The following TLK1 variants were observed in gnomAD, a reference collection of about 807,000 sequenced individuals.
TLK1 encodes the protein tousled like kinase 1, also known as serine/threonine-protein kinase tousled-like 1.
Under a neutral mutation model 105.3 loss-of-function variants are expected in TLK1, and 24 were observed. The observed-to-expected ratio is 0.23, with a 90% CI of 0.17 to 0.32. The LOEUF (loss-of-function observed/expected upper bound fraction) is 0.32, where lower values mean the gene tolerates loss of function less well. Among genes scored for constraint, TLK1 ranks in the 10% least tolerant of loss-of-function variants. The pLI, the probability that TLK1 is intolerant of heterozygous loss-of-function variation, is 1.00. For missense variants in TLK1, 558 were observed against 910.5 expected (o/e 0.61, Z 4.98); for synonymous variants, 321 against 310.4 (o/e 1.03, Z -0.36).
At chr2:171,105,698 G>A (rs148728485) in intron 2 of TLK1, among the ~76,000 whole-genome samples, 1 of 151,424 alleles carries the variant, frequency 6.6e-6, no homozygotes, top group East Asian at 1.9e-4. Flanking sequence ...AAAAAAAAAA[G>A]ACAAAAAATA....
At chr2:171,053,730 A>AT (rs1159783819) in intron 8 of TLK1, 31 bp downstream of exon 8, 3 of 1,497,580 alleles carry the variant, frequency 2.0e-6, no homozygotes, top group African/African-American at 1.4e-5. Flanking sequence ...AATTTATTCA[A>AT]TTTTTTTCCC....
At chr2:171,019,579 TTCTC>T (rs150376779) in intron 12 of TLK1, among the ~76,000 whole-genome samples, 2,180 of 152,318 alleles carry the variant, frequency 0.014, 53 homozygotes, top group African/African-American at 0.048. Flanking sequence ...ATGTTACATA[TTCTC>T]TCTATCAAAA....
At chr2:171,180,823 CTTT>C (rs57223904) in intron 1 of TLK1, among the ~76,000 whole-genome samples, 15,587 of 122,960 alleles carry the variant, frequency 0.13, 1,199 homozygotes, top group African/African-American at 0.25. Context: ...TAAGAGGATG[CTTT>C]TTTTTTTTTT....
At chr2:171,204,952 CA>C (rs1034407977) in intron 1 of TLK1, among the ~76,000 whole-genome samples, 1 of 73,716 alleles carries the variant, frequency 1.4e-5, no homozygotes, top group Non-Finnish European at 2.7e-5. Context: ...GACTCCGTCT[CA>C]AAAAAAAAAG....
chr2:171,022,587 T>C (rs551566739), intron 12 of TLK1, among the ~76,000 whole-genome samples: 23 of 152,334 alleles, frequency 1.5e-4, no homozygotes, highest in African/African-American at 5.5e-4. Context: ...AGAAACATCA[T>C]GTACAATGTA....
At chr2:170,999,394 A>G (rs1186435147) in intron 18 of TLK1, among the ~76,000 whole-genome samples, 3 of 152,218 alleles carry the variant, frequency 2.0e-5, no homozygotes, top group African/African-American at 7.2e-5. Context: ...TTTTGTCAAT[A>G]AAAGTGTGTA....
intron 2 of TLK1, among the ~76,000 whole-genome samples, chr2:171,109,150 A>G (rs1690056770): frequency 6.6e-6 from 1 of 152,226 alleles, no homozygotes; most frequent in Admixed American, 6.5e-5. Context: ...CAAGTTGACA[A>G]TGCAAGGAGA....
At chr2:171,146,326 T>C (rs1691790305) in intron 1 of TLK1, among the ~76,000 whole-genome samples, 2 of 152,144 alleles carry the variant, frequency 1.3e-5, no homozygotes, top group Admixed American at 1.3e-4. Flanking sequence ...TCTGTAAGAA[T>C]GTGATTCTTT....
intron 1 of TLK1, among the ~76,000 whole-genome samples, chr2:171,154,233 T>C (rs1276263582): frequency 2.0e-5 from 3 of 152,162 alleles, no homozygotes; most frequent in Non-Finnish European, 2.9e-5. Flanking sequence ...GCAAAGGTTA[T>C]ACTGCCTCTT....
intron 1 of TLK1, among the ~76,000 whole-genome samples, chr2:171,129,425 A>G (rs1390592256): frequency 6.6e-6 from 1 of 152,166 alleles, no homozygotes; most frequent in Non-Finnish European, 1.5e-5. Flanking sequence ...TTTCTTTCTT[A>G]AAGTCCCTTT....
chr2:171,053,961 G>C, intron 7 of TLK1, 108 bp from the exon 8 acceptor site: 1 of 804,504 alleles, frequency 1.2e-6, no homozygotes, highest in Admixed American at 3.4e-5. Context: ...ATATATTTGT[G>C]TGTATATGTA....
intron 11 of TLK1, among the ~76,000 whole-genome samples, chr2:171,037,745 T>C (rs1294565702): frequency 5.3e-5 from 8 of 152,294 alleles, no homozygotes; most frequent in Middle Eastern, 3.4e-3. Context: ...TTATATATTA[T>C]ATGTTGTGTT....
chr2:171,028,780 A>T (rs1225289322), intron 11 of TLK1, among the ~76,000 whole-genome samples: 1 of 152,214 alleles, frequency 6.6e-6, no homozygotes, highest in Admixed American at 6.5e-5. Flanking sequence ...ATTTCTCCTT[A>T]CATATTAGTT....
chr2:171,193,177 G>C (rs1693187901), intron 1 of TLK1, among the ~76,000 whole-genome samples: 1 of 152,106 alleles, frequency 6.6e-6, no homozygotes, highest in African/African-American at 2.4e-5. Context: ...CAATCTGTGA[G>C]CTCAACCATA....
intron 1 of TLK1, among the ~76,000 whole-genome samples, chr2:171,180,319 T>C (rs1692907081): frequency 6.6e-6 from 1 of 152,052 alleles, no homozygotes; most frequent in Admixed American, 6.5e-5. Flanking sequence ...AGACTTAGCA[T>C]ATTATCAGTT....
At position 171,084,935 on chromosome 2, in the gene TLK1, CA is replaced by C. The variant is rs1381969037; in HGVS notation, c.259-2084del. 9.2e-5 allele frequency among the ~76,000 whole-genome samples: 14 copies of C among 151,938 alleles called. 1 individual carries two copies. Among genetic ancestry groups the C allele is most frequent in the Middle Eastern group, 3.4e-3 (1 of 294 alleles). Reference sequence around the variant, plus strand: ...ATAATGCTTTAAGATAACCAGAAGGCAAAAAACAGGGACATTTTTGAAATCA... The same window carrying C: ...ATAATGCTTTAAGATAACCAGAAGGCAAAAACAGGGACATTTTTGAAATCA... On this transcript the variant is annotated intron_variant, in intron 2 of 20. Transcript: ENST00000431350.
intron 1 of TLK1, among the ~76,000 whole-genome samples, chr2:171,134,954 C>T (rs1178156973): frequency 6.6e-6 from 1 of 151,834 alleles, no homozygotes; most frequent in African/African-American, 2.4e-5. Context: ...CATGGATGAA[C>T]TTAGAGGACA....
At chr2:171,207,181 G>A (rs1693522074) in intron 1 of TLK1, among the ~76,000 whole-genome samples, 1 of 152,078 alleles carries the variant, frequency 6.6e-6, no homozygotes, top group South Asian at 2.1e-4. Flanking sequence ...ATAAATAGTG[G>A]GACATCCTAC....
chr2:171,123,055 A>ACAC (rs1558954550), intron 1 of TLK1, among the ~76,000 whole-genome samples: 8 of 79,256 alleles, frequency 1.0e-4, no homozygotes, highest in South Asian at 7.3e-4. Context: ...TAAATAAATA[A>ACAC]ATACACACAC....
Sources: gnomAD v4.1 joint callset for allele counts (sites outside exome capture counted in the v4.1 genomes callset) on GRCh38, gnomAD v4.1.1 for gene constraint, MANE v1.5 for transcripts, NCBI Gene and HGNC (gene_info 2026-07-23, HGNC 2026-07-21) for gene names.